Variants in ARHGAP35 observed in about 807,000 individuals in gnomAD.
ARHGAP35 encodes Rho GTPase activating protein 35.
A neutral mutation model predicts 111.1 loss-of-function variants in ARHGAP35; 15 were observed. The observed-to-expected ratio is 0.13, with a 90% CI of 0.09 to 0.21. The LOEUF (loss-of-function observed/expected upper bound fraction) is 0.21. Ranked by LOEUF, ARHGAP35 falls within the 10% of genes least tolerant of loss-of-function variation. The pLI is 1.00. For synonymous variants in ARHGAP35, 643 were observed against 710.3 expected (o/e 0.91, Z 1.51); for missense variants, 1,262 against 1,873.0 (o/e 0.67, Z 6.02).
rs1407351013 is a variant in ARHGAP35, at chr19:46,993,597, C to T, written c.4036+3922C>T. The stretch of plus-strand genomic sequence containing the variant: ...TGCCCTCTGTCTGTCCCCTCCCCTC[C>T]CTCCTGAGTTCTTGGGGTCTCTATT... On this transcript the variant is annotated intron_variant, in intron 5 of 6. Transcript: ENST00000672722. This position sits in a 1 kb window ranked among gnomAD's most constrained non-coding sequence, Gnocchi z 4.6. 6.6e-6 allele frequency among the ~76,000 whole-genome samples: 1 copy of T among 152,202 alleles called. No homozygotes were observed. The highest frequency in any genetic ancestry group is 6.5e-5 in the Admixed American group (1 of 15,278).
intron 2 of ARHGAP35, among the ~76,000 whole-genome samples, chr19:46,935,613 C>T (rs1599831940): frequency 6.6e-6 from 1 of 152,264 alleles, no homozygotes; most frequent in East Asian, 1.9e-4. Flanking sequence ...TGTAAAATCC[C>T]TAAATACTTT....
intron 1 of ARHGAP35, among the ~76,000 whole-genome samples, chr19:46,869,567 T>G (rs2055877043): frequency 6.6e-6 from 1 of 151,840 alleles, no homozygotes; most frequent in Non-Finnish European, 1.5e-5. Flanking sequence ...CCATTTTCAT[T>G]TAAAAGAAAG....
chr19:46,888,101 G>A (rs1395497951), intron 1 of ARHGAP35, among the ~76,000 whole-genome samples: 8 of 149,786 alleles, frequency 5.3e-5, no homozygotes, highest in East Asian at 2.0e-4. Context: ...ACAGGCGCCC[G>A]CCACCACGCC....
intron 2 of ARHGAP35, among the ~76,000 whole-genome samples, chr19:46,933,662 A>G (rs1172789710): frequency 6.6e-6 from 1 of 152,166 alleles, no homozygotes. Flanking sequence ...GTGCTTGTAA[A>G]GAATTTATAC....
chr19:46,864,641 G>T (rs1197148139), intron 1 of ARHGAP35, among the ~76,000 whole-genome samples: 1 of 152,224 alleles, frequency 6.6e-6, no homozygotes, highest in East Asian at 1.9e-4. Context: ...GAAGAGGGCT[G>T]ATAGTAGATT....
At chr19:46,973,947 G>T (rs1599858169) in intron 3 of ARHGAP35, among the ~76,000 whole-genome samples, 1 of 151,852 alleles carries the variant, frequency 6.6e-6, no homozygotes, top group Middle Eastern at 3.4e-3. Flanking sequence ...AGTGAGCCAA[G>T]ATTGCGCCAC....
chr19:46,896,629 A>G (rs2056058128), intron 1 of ARHGAP35, among the ~76,000 whole-genome samples: 2 of 152,078 alleles, frequency 1.3e-5, no homozygotes, highest in Admixed American at 1.3e-4. Flanking sequence ...GCAGTGCAGT[A>G]TTGGGGTTAA....
chr19:46,876,614 A>G (rs1425713273), intron 1 of ARHGAP35, among the ~76,000 whole-genome samples: 1 of 151,340 alleles, frequency 6.6e-6, no homozygotes, highest in Non-Finnish European at 1.5e-5. Context: ...CTCATGATTC[A>G]CCTGCCTCGG....
At chr19:46,898,103 A>C (rs1237027850) in intron 1 of ARHGAP35, among the ~76,000 whole-genome samples, 5 of 152,074 alleles carry the variant, frequency 3.3e-5, no homozygotes, top group African/African-American at 4.8e-5. Flanking sequence ...TTAGCCGGGC[A>C]TGGTGGCGCA....
chr19:46,869,709 G>C (rs1464443217), intron 1 of ARHGAP35, among the ~76,000 whole-genome samples: 1 of 152,010 alleles, frequency 6.6e-6, no homozygotes, highest in African/African-American at 2.4e-5. Context: ...GTGTACAAAT[G>C]AAAGTCAGCA....
chr19:46,971,506 GT>G (rs113187114), intron 3 of ARHGAP35, among the ~76,000 whole-genome samples: 240 of 145,248 alleles, frequency 1.7e-3, no homozygotes, highest in Middle Eastern at 7.1e-3. Flanking sequence ...CTTTTTTGGG[GT>G]TTTTTTTTTT....
intron 2 of ARHGAP35, among the ~76,000 whole-genome samples, chr19:46,935,825 T>G (rs2056304296): frequency 6.6e-6 from 1 of 152,198 alleles, no homozygotes; most frequent in South Asian, 2.1e-4. Flanking sequence ...AAATTTATCA[T>G]TTGTTTAGAG....
chr19:46,861,786 C>A (rs1190150319), intron 1 of ARHGAP35, among the ~76,000 whole-genome samples: 1 of 152,116 alleles, frequency 6.6e-6, no homozygotes, highest in Non-Finnish European at 1.5e-5. Flanking sequence ...ATCTGTTGCA[C>A]CCTGGGAGCT....
intron 1 of ARHGAP35, among the ~76,000 whole-genome samples, chr19:46,915,993 T>C (rs1047630981): frequency 2.6e-4 from 38 of 145,980 alleles, no homozygotes; most frequent in African/African-American, 9.5e-4. Flanking sequence ...TGGAGTGCAG[T>C]GGCGTGTCTC....
At chr19:46,960,984 T>C (rs2056478805) in intron 3 of ARHGAP35, among the ~76,000 whole-genome samples, 1 of 148,898 alleles carries the variant, frequency 6.7e-6, no homozygotes, top group Non-Finnish European at 1.5e-5. Flanking sequence ...AACCTCCACC[T>C]CCCGAGTTCA....
At chr19:46,931,980 G>A (rs530733089) in intron 2 of ARHGAP35, among the ~76,000 whole-genome samples, 1 of 152,200 alleles carries the variant, frequency 6.6e-6, no homozygotes, top group East Asian at 1.9e-4. Context: ...TGACCCAGTT[G>A]GACTCTAAAC....
intron 1 of ARHGAP35, among the ~76,000 whole-genome samples, chr19:46,877,593 A>T (rs1383601863): frequency 1.3e-5 from 2 of 152,194 alleles, no homozygotes; most frequent in African/African-American, 4.8e-5. Flanking sequence ...AAAAATTAAA[A>T]AATAAAAGTT....
chr19:46,974,766 A>G (rs1316678744), intron 3 of ARHGAP35, among the ~76,000 whole-genome samples: 5 of 151,176 alleles, frequency 3.3e-5, no homozygotes, highest in African/African-American at 1.2e-4. Flanking sequence ...GACAGTTCCA[A>G]CCCTCTAATA....
At chr19:46,985,244 C>G (rs527669100) in intron 3 of ARHGAP35, among the ~76,000 whole-genome samples, 1 of 152,188 alleles carries the variant, frequency 6.6e-6, no homozygotes, top group Non-Finnish European at 1.5e-5. Context: ...GGAAAAATTA[C>G]TAACTAGTGC....
Sources: allele counts gnomAD v4.1 joint callset (sites outside exome capture counted in the v4.1 genomes callset), GRCh38; gene constraint gnomAD v4.1.1; non-coding constraint Gnocchi (gnomAD v3.1); transcripts MANE v1.5; gene names NCBI Gene and HGNC (gene_info 2026-07-23, HGNC 2026-07-21).